The following PRKCE variants were observed in gnomAD, a reference collection of about 807,000 sequenced individuals.
PRKCE encodes protein kinase C epsilon type.
Under a neutral mutation model 85.4 loss-of-function variants are expected in PRKCE, and 16 were observed. The observed-to-expected ratio is 0.19, with a 90% CI of 0.13 to 0.28. PRKCE has a LOEUF of 0.28. Among genes scored for constraint, PRKCE ranks in the 10% least tolerant of loss-of-function variants. The pLI is 1.00. For synonymous variants in PRKCE, 388 were observed against 371.5 expected (o/e 1.04, Z -0.51); for missense variants, 573 against 975.2 (o/e 0.59, Z 5.49).
At chr2:46,172,246 T>C (rs1485291960) in intron 14 of PRKCE, among the ~76,000 whole-genome samples, 1 of 152,196 alleles carries the variant, frequency 6.6e-6, no homozygotes, top group Non-Finnish European at 1.5e-5. Flanking sequence ...CCCCAGGCAC[T>C]GCCAGCCTCT....
In PRKCE at chr2:46,004,681, TTGGA is replaced by T; in HGVS notation, c.1063+48_1063+51del. ...GCTTCCTGACCTCTGAGTTCTGCCA[TTGGA>T]TGGACCAAGGAGCTCTGAGGCCTCT... On this transcript the variant is annotated intron_variant, in intron 8 of 14. Transcript: ENST00000306156. The surrounding 1 kb of genome is among the most constrained non-coding windows in gnomAD (Gnocchi z 4.1). 1 of 1,488,222 alleles carries T rather than the reference TTGGA, an allele frequency of 6.7e-7. No individual in the cohort carries two copies. The highest frequency in any genetic ancestry group is 9.1e-7 in the Non-Finnish European group (1 of 1,099,942). The allele number at this position is 1,488,222 out of a possible 1,614,324, so 92.2% of individuals were successfully genotyped here. A position where few individuals can be genotyped will look rare whatever the true frequency, so the allele number is the denominator to read the frequency against.
chr2:46,171,416 A>G (rs1036850711), intron 14 of PRKCE, among the ~76,000 whole-genome samples: 4 of 152,256 alleles, frequency 2.6e-5, no homozygotes, highest in Admixed American at 1.3e-4. Flanking sequence ...CAACACCGCT[A>G]TTGACAGAAA....
intron 1 of PRKCE, among the ~76,000 whole-genome samples, chr2:45,830,252 G>T (rs12712951): frequency 2.6e-5 from 4 of 151,404 alleles, no homozygotes; most frequent in African/African-American, 9.7e-5. Flanking sequence ...ACATGGGGCT[G>T]CAATTCTTAG....
At chr2:45,810,685 G>A (rs1180236332) in intron 1 of PRKCE, among the ~76,000 whole-genome samples, 3 of 152,192 alleles carry the variant, frequency 2.0e-5, no homozygotes, top group African/African-American at 7.2e-5. Context: ...CCAGGCTCAA[G>A]TGATCCTCCT....
chr2:46,029,535 A>T (rs1707368382), intron 10 of PRKCE, among the ~76,000 whole-genome samples: 1 of 152,152 alleles, frequency 6.6e-6, no homozygotes, highest in Admixed American at 6.6e-5. Context: ...CCTTTGTGAA[A>T]TGAAAAGGCC....
intron 1 of PRKCE, among the ~76,000 whole-genome samples, chr2:45,797,955 T>A (rs989691329): frequency 6.6e-6 from 1 of 152,096 alleles, no homozygotes; most frequent in Non-Finnish European, 1.5e-5. Flanking sequence ...GCTTACTGAG[T>A]TCCTTCGCCA....
chr2:45,727,728 C>G (rs1681199328), intron 1 of PRKCE, among the ~76,000 whole-genome samples: 1 of 152,176 alleles, frequency 6.6e-6, no homozygotes, highest in Non-Finnish European at 1.5e-5. Flanking sequence ...GATCTCGGCT[C>G]ACTGTAACCG....
At chr2:46,170,959 G>A (rs781590716) in intron 14 of PRKCE, among the ~76,000 whole-genome samples, 3 of 152,182 alleles carry the variant, frequency 2.0e-5, no homozygotes, top group African/African-American at 7.2e-5. Flanking sequence ...AATGTCCCTG[G>A]AATGGTAAAC....
chr2:45,887,489 C>G (rs999134602), intron 2 of PRKCE, among the ~76,000 whole-genome samples: 4 of 152,050 alleles, frequency 2.6e-5, no homozygotes, highest in Non-Finnish European at 5.9e-5. Context: ...ACAAAGGTCT[C>G]TAGGTGGCGG....
rs569963301 is a variant in PRKCE, at chr2:45,994,418, A to G, written c.824-6986A>G. ...TCTTACAGAATAGTTTTACTGCACTAAAAATCCTCTGTGTTCTGCTTCTTC... is the reference window on the plus strand; with the variant it reads ...TCTTACAGAATAGTTTTACTGCACTGAAAATCCTCTGTGTTCTGCTTCTTC... On this transcript the variant is annotated intron_variant, in intron 6 of 14. Coordinates refer to ENST00000306156, the MANE Select transcript of PRKCE (RefSeq NM_005400.3). 4.6e-5 allele frequency among the ~76,000 whole-genome samples: 7 copies of G among 152,302 alleles called. No homozygotes were observed. The East Asian group carries it at 1.3e-3, about 29-fold the overall frequency.
chr2:45,928,758 C>G (rs184442750), intron 2 of PRKCE, among the ~76,000 whole-genome samples: 1 of 152,192 alleles, frequency 6.6e-6, no homozygotes. Flanking sequence ...TCCTGCCCCC[C>G]ACTAATAGTG....
At chr2:46,148,403 G>A (rs1676291800) in intron 12 of PRKCE, among the ~76,000 whole-genome samples, 1 of 152,248 alleles carries the variant, frequency 6.6e-6, no homozygotes. Flanking sequence ...GGCTGTGGAA[G>A]GGGCCTGGAG....
rs1034560810 is a variant in PRKCE at position 46,139,684 on chromosome 2, G to A, written c.1593-5409G>A. On this transcript the variant is annotated intron_variant, in intron 11 of 14. Coordinates refer to ENST00000306156, the MANE Select transcript of PRKCE (RefSeq NM_005400.3). This position sits in a 1 kb window ranked among gnomAD's most constrained non-coding sequence, Gnocchi z 5.2. Reference sequence around the variant, plus strand: ...TAGAGGAACATATATATATATATGCGTATATATATGTGTGTGTATATATAT... The same window carrying A: ...TAGAGGAACATATATATATATATGCATATATATATGTGTGTGTATATATAT... 2.0e-5 allele frequency among the ~76,000 whole-genome samples: 3 copies of A among 150,574 alleles called. No individual in the cohort carries two copies. The highest frequency in any genetic ancestry group is 3.0e-5 in the Non-Finnish European group (2 of 67,796).
intron 2 of PRKCE, among the ~76,000 whole-genome samples, chr2:45,887,668 A>T (rs1189515051): frequency 6.6e-6 from 1 of 152,110 alleles, no homozygotes; most frequent in African/African-American, 2.4e-5. Context: ...ACCATGCCAC[A>T]TCAGCTATGA....
At chr2:45,694,049 G>A (rs1047000148) in intron 1 of PRKCE, among the ~76,000 whole-genome samples, 4 of 151,652 alleles carry the variant, frequency 2.6e-5, no homozygotes, top group South Asian at 4.2e-4. Context: ...TTTTTGACCC[G>A]TGGACACAGA....
At chr2:45,973,176 T>C (rs750362632) in intron 2 of PRKCE, among the ~76,000 whole-genome samples, 14 of 152,206 alleles carry the variant, frequency 9.2e-5, no homozygotes, top group Non-Finnish European at 1.5e-4. Flanking sequence ...TTTCTGGTGG[T>C]GGACTCCAGG....
intron 1 of PRKCE, among the ~76,000 whole-genome samples, chr2:45,734,700 T>C (rs1488661442): frequency 2.0e-5 from 3 of 152,130 alleles, no homozygotes; most frequent in African/African-American, 7.2e-5. Flanking sequence ...GATTTTTTGA[T>C]GCGCAGATCC....
chr2:46,038,678 C>G (rs901110079), intron 10 of PRKCE, among the ~76,000 whole-genome samples: 1 of 151,614 alleles, frequency 6.6e-6, no homozygotes, highest in African/African-American at 2.4e-5. Flanking sequence ...CACACACACA[C>G]ACACACACAC....
chr2:46,044,884 G>C (rs59490419), intron 10 of PRKCE, among the ~76,000 whole-genome samples: 1 of 152,148 alleles, frequency 6.6e-6, no homozygotes, highest in Non-Finnish European at 1.5e-5. Context: ...CACAGGGAAG[G>C]CTTCACTCCA....
Sources: gnomAD v4.1 joint callset for allele counts (sites outside exome capture counted in the v4.1 genomes callset) on GRCh38, gnomAD v4.1.1 for gene constraint, Gnocchi (gnomAD v3.1) non-coding constraint, MANE v1.5 for transcripts, NCBI Gene and HGNC (gene_info 2026-07-23, HGNC 2026-07-21) for gene names.